CACNA2D2: variants seen among roughly 807,000 people sequenced by gnomAD.
CACNA2D2 encodes calcium voltage-gated channel auxiliary subunit alpha2delta 2, also known as voltage-dependent calcium channel subunit alpha-2/delta-2.
A neutral mutation model predicts 166.4 loss-of-function variants in CACNA2D2; 48 were observed. The observed-to-expected ratio is 0.29, with a 90% confidence interval of 0.23 to 0.37. The LOEUF (loss-of-function observed/expected upper bound fraction) is 0.37. Ranked by LOEUF, CACNA2D2 falls within the 10% of genes least tolerant of loss-of-function variation. CACNA2D2 has a pLI of 1.00. For synonymous variants in CACNA2D2, 561 were observed against 573.7 expected, an observed-to-expected ratio of 0.98 and a Z score of 0.32; for missense variants, 1,122 against 1,433.0, an observed-to-expected ratio of 0.78 and a Z score of 3.50.
At position 50,375,618 on chromosome 3, in the gene CACNA2D2, G is replaced by T. The variant is rs1362300330; in HGVS notation, c.1907+26C>A. The T allele has an allele frequency of 8.2e-6, 13 of 1,593,392 alleles. No individual in the cohort carries two copies. Among genetic ancestry groups the T allele is most frequent in the Non-Finnish European group, 1.0e-5 (12 of 1,163,596 alleles). On this transcript the variant is annotated intron_variant, in intron 21 of 37. Transcript: ENST00000424201. This position sits in a 1 kb window ranked among gnomAD's most constrained non-coding sequence, Gnocchi z 4.0. ...ATTCTGGGGCCACCCCACCCTCTCT[G>T]CCCGCCCAGCCCTGGCCTCACTTAC...
At chr3:50,414,281 C>T (rs1707167810) in intron 3 of CACNA2D2, among the ~76,000 whole-genome samples, 1 of 152,068 alleles carries the variant, frequency 6.6e-6, no homozygotes. Flanking sequence ...GCAAGCGTGG[C>T]CAAGCCCAGG....
intron 1 of CACNA2D2, among the ~76,000 whole-genome samples, chr3:50,493,681 T>G (rs565457434): frequency 6.6e-6 from 1 of 152,194 alleles, no homozygotes; most frequent in Admixed American, 6.5e-5. Context: ...GGCAGCCAAA[T>G]GCGCTCCTCA....
At chr3:50,420,255 A>C (rs1223658333) in intron 3 of CACNA2D2, among the ~76,000 whole-genome samples, 2 of 152,228 alleles carry the variant, frequency 1.3e-5, no homozygotes, top group Non-Finnish European at 2.9e-5. Context: ...TGCCAGCTGA[A>C]GGCTCCATGC....
At chr3:50,478,889 T>C (rs73835507) in intron 1 of CACNA2D2, among the ~76,000 whole-genome samples, 2,818 of 152,298 alleles carry the variant, frequency 0.019, 102 homozygotes, top group African/African-American at 0.065. Flanking sequence ...GGAGAACAAA[T>C]TGTAAACATT....
chr3:50,373,235 C>T (rs587704983), intron 22 of CACNA2D2: 20 of 691,544 alleles, frequency 2.9e-5, no homozygotes, highest in African/African-American at 2.7e-4. Flanking sequence ...ATCATCATAC[C>T]GAAAGGAAAC....
At chr3:50,455,475 G>A (rs771210072) in intron 2 of CACNA2D2, among the ~76,000 whole-genome samples, 5 of 152,222 alleles carry the variant, frequency 3.3e-5, no homozygotes, top group Admixed American at 2.6e-4. Context: ...CTCCTGCGGC[G>A]TGGAGAGATA....
At position 50,368,243 on chromosome 3, in the gene CACNA2D2, TG is replaced by T; in HGVS notation, c.2046-9del. 1.3e-6 allele frequency: 2 copies of T among 1,577,968 alleles called. No homozygotes were observed. The highest frequency in any genetic ancestry group is 1.7e-6 in the Non-Finnish European group (2 of 1,147,364). On this transcript the variant is annotated splice_polypyrimidine_tract_variant and intron_variant, in intron 23 of 37. Coordinates refer to ENST00000424201, the MANE Select transcript of CACNA2D2 (RefSeq NM_006030.4). ...AGGTCCTTGCAGTACTCTCTAGGGA[TG>T]GGGAGGGGCAAGAAGAGTGGGCTTG...
At chr3:50,421,727 A>C (rs1707570510) in intron 3 of CACNA2D2, among the ~76,000 whole-genome samples, 2 of 152,174 alleles carry the variant, frequency 1.3e-5, no homozygotes, top group Admixed American at 1.3e-4. Flanking sequence ...CCTGGAGCCA[A>C]GGGTCCAAGG....
chr3:50,384,002 G>A (rs994018745), intron 6 of CACNA2D2, among the ~76,000 whole-genome samples, 194 bp downstream of exon 6: 1 of 152,224 alleles, frequency 6.6e-6, no homozygotes, highest in African/African-American at 2.4e-5. Flanking sequence ...GAGTGTTAGG[G>A]TGAGGCTCTG....
At position 50,399,448 on chromosome 3, in the gene CACNA2D2, C is replaced by G. The variant is rs1368513131; in HGVS notation, c.406-5280G>C. 2.0e-5 allele frequency among the ~76,000 whole-genome samples: 3 copies of G among 152,250 alleles called. No homozygotes were observed. In the East Asian group the frequency reaches 5.8e-4, roughly 29 times the overall value. On this transcript the variant is annotated intron_variant, in intron 3 of 37. Transcript: ENST00000424201. The stretch of plus-strand genomic sequence containing the variant: ...AGATCTAGGGCACTGAGGGCTGAGC[C>G]AGGCAGAAGCTGTGATGGAGCGTGG...
chr3:50,483,758 TG>T (rs1199782023), intron 1 of CACNA2D2, among the ~76,000 whole-genome samples: 1 of 152,170 alleles, frequency 6.6e-6, no homozygotes, highest in African/African-American at 2.4e-5. Flanking sequence ...GAGGCCTCCA[TG>T]GACCATTTAG....
intron 1 of CACNA2D2, among the ~76,000 whole-genome samples, chr3:50,481,160 A>C (rs1047396009): frequency 3.3e-5 from 5 of 152,064 alleles, no homozygotes; most frequent in Admixed American, 6.5e-5. Context: ...GTTCACCCTC[A>C]GAGGGCACGG....
At chr3:50,402,315 C>A (rs957548972) in intron 3 of CACNA2D2, among the ~76,000 whole-genome samples, 1 of 152,168 alleles carries the variant, frequency 6.6e-6, no homozygotes, top group Non-Finnish European at 1.5e-5. Context: ...GAGTGAAACC[C>A]ACCCTCTAGA....
intron 6 of CACNA2D2, among the ~76,000 whole-genome samples, chr3:50,382,176 C>T (rs1220372871): frequency 2.0e-5 from 3 of 152,148 alleles, no homozygotes; most frequent in African/African-American, 7.2e-5. Flanking sequence ...GTGACCCTGT[C>T]CCTGGACACT....
At chr3:50,463,997 T>C (rs1341846921) in intron 2 of CACNA2D2, among the ~76,000 whole-genome samples, 3 of 152,190 alleles carry the variant, frequency 2.0e-5, no homozygotes, top group Admixed American at 1.3e-4. Context: ...CGGTTGCCTC[T>C]GCAGATCATG....
At chr3:50,403,231 G>T (rs1249175394) in intron 3 of CACNA2D2, among the ~76,000 whole-genome samples, 1 of 152,108 alleles carries the variant, frequency 6.6e-6, no homozygotes, top group Non-Finnish European at 1.5e-5. Context: ...GGCATAGACA[G>T]CGAACGGGAT....
chr3:50,461,297 C>T (rs1351223876), intron 2 of CACNA2D2, among the ~76,000 whole-genome samples: 1 of 152,204 alleles, frequency 6.6e-6, no homozygotes, highest in Admixed American at 6.5e-5. Context: ...TGGAGTGCTG[C>T]CTTAGAAAAT....
chr3:50,392,601 TCAGGA>T (rs983905842), intron 4 of CACNA2D2, among the ~76,000 whole-genome samples: 3 of 152,176 alleles, frequency 2.0e-5, no homozygotes, highest in Non-Finnish European at 2.9e-5. Context: ...CTGCCTCATC[TCAGGA>T]CAGAAGTACT....
At position 50,492,761 on chromosome 3, in the gene CACNA2D2, A is replaced by C. The variant is rs142272803; in HGVS notation, c.206+10457T>G. On this transcript the variant is annotated intron_variant, in intron 1 of 37. Transcript: ENST00000424201. ...CTGGTCAGTAGGGCAGCCTCTGCAG[A>C]GGGAGATGCATGGCAGAACATCATG... is the stretch of plus-strand genomic sequence containing the variant. Among the ~76,000 whole-genome samples, 27 of 152,296 alleles carry C rather than the reference A, an allele frequency of 1.8e-4. No individual in the cohort carries two copies. In the East Asian group the frequency reaches 2.9e-3, roughly 16 times the overall value.
Sources: gnomAD v4.1 joint callset for allele counts (sites outside exome capture counted in the v4.1 genomes callset) on GRCh38, gnomAD v4.1.1 for gene constraint, Gnocchi (gnomAD v3.1) non-coding constraint, MANE v1.5 for transcripts, NCBI Gene and HGNC (gene_info 2026-07-23, HGNC 2026-07-21) for gene names.